TTC23L: variants seen among roughly 807,000 people sequenced by gnomAD.
TTC23L encodes tetratricopeptide repeat protein 23-like.
In TTC23L, 42 loss-of-function variants were observed where a neutral mutation model predicts 48.1. The observed-to-expected ratio is 0.87, with a 90% CI of 0.68 to 1.13. TTC23L has a LOEUF of 1.13. Among genes scored for constraint, TTC23L ranks in the 50% most tolerant of loss-of-function variants. TTC23L has a pLI of 0.00. For missense variants in TTC23L, 391 were observed against 421.0 expected (o/e 0.93, Z 0.62); for synonymous variants, 159 against 157.2 (o/e 1.01, Z -0.09).
intron 4 of TTC23L, among the ~76,000 whole-genome samples, chr5:34,858,668 G>C (rs1760321799): frequency 7.0e-6 from 1 of 143,674 alleles, no homozygotes; most frequent in African/African-American, 2.4e-5. Flanking sequence ...AATAAAAATA[G>C]AAAAAGGCTT....
the TTC23L span, chr5:34,919,710 A>G: frequency 2.7e-6 from 1 of 366,774 alleles, no homozygotes; most frequent in Non-Finnish European, 5.1e-6. Flanking sequence ...TTTGAAAATT[A>G]GTAATAAAAT....
At chr5:34,898,464 T>C (rs886775050) in intron 10 of TTC23L, among the ~76,000 whole-genome samples, 1 of 152,168 alleles carries the variant, frequency 6.6e-6, no homozygotes, top group Non-Finnish European at 1.5e-5. Context: ...TCCTGCCACC[T>C]TGTGGTGCGA....
In TTC23L at chr5:34,889,420, C is replaced by T. The variant is rs545265049; in HGVS notation, c.1078-7350C>T. ...TTAGGACCCTGAATGTGTTCACCAG[C>T]GGTGGCTGATAATTGGTCCCCTTCT... On this transcript the variant is annotated intron_variant, in intron 9 of 10. Coordinates refer to ENST00000505624, the Ensembl canonical transcript of TTC23L. Among the ~76,000 whole-genome samples, 48 of 152,296 alleles carry T rather than the reference C, an allele frequency of 3.2e-4. No homozygotes were observed. The East Asian group carries it at 4.1e-3, about 13-fold the overall frequency.
At chr5:34,843,997 G>A (rs1020685300) in intron 2 of TTC23L, among the ~76,000 whole-genome samples, 10 of 152,168 alleles carry the variant, frequency 6.6e-5, no homozygotes, top group African/African-American at 2.4e-4. Flanking sequence ...AAAAATCACA[G>A]TGTACTAGCA....
chr5:34,921,832 G>A, the TTC23L span: 2 of 155,466 alleles, frequency 1.3e-5, no homozygotes, highest in Admixed American at 6.5e-5. Context: ...ATTTGAACCT[G>A]GGAGGTGGAG....
intron 7 of TTC23L, chr5:34,867,750 A>AGGTGG (rs1761179773): frequency 6.5e-6 from 1 of 152,790 alleles, no homozygotes; most frequent in African/African-American, 2.4e-5. Context: ...ATCATAGAAA[A>AGGTGG]GGTGCAATGC....
intron 9 of TTC23L, among the ~76,000 whole-genome samples, chr5:34,889,555 CAGG>C (rs1762728883): frequency 6.6e-6 from 1 of 152,134 alleles, no homozygotes; most frequent in Admixed American, 6.6e-5. Context: ...GTGGGCCCCA[CAGG>C]AGACTATCTC....
intron 4 of TTC23L, among the ~76,000 whole-genome samples, chr5:34,854,194 G>T (rs1192812777): frequency 1.3e-5 from 2 of 152,206 alleles, no homozygotes; most frequent in African/African-American, 4.8e-5. Flanking sequence ...CTACGTTGGG[G>T]CAATAAGTTG....
chr5:34,896,790 G>T, exon 10 of TTC23L: 1 of 764,386 alleles, frequency 1.3e-6, no homozygotes, highest in East Asian at 2.4e-5. Flanking sequence ...AGTTCATCCA[G>T]ATGGAGAAGA....
chr5:34,874,549 T>A (rs1193055834), intron 8 of TTC23L, among the ~76,000 whole-genome samples: 1 of 151,898 alleles, frequency 6.6e-6, no homozygotes, highest in East Asian at 1.9e-4. Flanking sequence ...CTGGAATATA[T>A]GAAATGCTCA....
At chr5:34,892,261 T>A (rs1322437820) in intron 9 of TTC23L, among the ~76,000 whole-genome samples, 2 of 152,234 alleles carry the variant, frequency 1.3e-5, no homozygotes, top group Non-Finnish European at 2.9e-5. Flanking sequence ...CTTTCATTGC[T>A]AGGAGCCCGA....
At chr5:34,877,454 G>T (rs112657427) in intron 8 of TTC23L, among the ~76,000 whole-genome samples, 2 of 142,668 alleles carry the variant, frequency 1.4e-5, no homozygotes, top group Admixed American at 1.5e-4. Context: ...ACAGAGTTTC[G>T]CTTTTGTTGC....
chr5:34,904,404 G>A (rs1763583450), downstream of TTC23L, among the ~76,000 whole-genome samples: 1 of 151,254 alleles, frequency 6.6e-6, no homozygotes, highest in South Asian at 2.1e-4. Flanking sequence ...GACCATCCTG[G>A]CCAACATGGT....
At chr5:34,866,487 A>G (rs1177689678) in intron 6 of TTC23L, among the ~76,000 whole-genome samples, 2 of 152,204 alleles carry the variant, frequency 1.3e-5, no homozygotes, top group Non-Finnish European at 2.9e-5. Context: ...CTGAGGAGGA[A>G]TTCGCCAAAT....
At chr5:34,882,654 CACACAA>C (rs1762302433) in intron 9 of TTC23L, among the ~76,000 whole-genome samples, 1 of 136,060 alleles carries the variant, frequency 7.3e-6, no homozygotes, top group South Asian at 2.2e-4. Flanking sequence ...CACACACACA[CACACAA>C]TATCTTTTGA....
chr5:34,924,174 G>T, the TTC23L span, among the ~76,000 whole-genome samples: 2 of 152,226 alleles, frequency 1.3e-5, no homozygotes, highest in African/African-American at 4.8e-5. Flanking sequence ...AAATCTTGAA[G>T]CAGGAGTTTG....
chr5:34,875,997 C>A (rs1010229414), intron 8 of TTC23L, among the ~76,000 whole-genome samples: 2 of 152,006 alleles, frequency 1.3e-5, no homozygotes. Flanking sequence ...TAGAAAATCC[C>A]AAAATACTTG....
chr5:34,915,962 T>C, the TTC23L span: 1 of 1,465,946 alleles, frequency 6.8e-7, no homozygotes, highest in Non-Finnish European at 9.0e-7. Context: ...CTTGGGTTAC[T>C]TACTTGACTA....
At chr5:34,853,368 TA>T (rs1333692413) in intron 4 of TTC23L, among the ~76,000 whole-genome samples, 2 of 152,050 alleles carry the variant, frequency 1.3e-5, no homozygotes, top group Non-Finnish European at 2.9e-5. Flanking sequence ...CCGTCTCTAC[TA>T]AAAATACAAA....
Sources: allele counts gnomAD v4.1 joint callset (sites outside exome capture counted in the v4.1 genomes callset), GRCh38; gene constraint gnomAD v4.1.1; transcripts MANE v1.5; gene names NCBI Gene and HGNC (gene_info 2026-07-23, HGNC 2026-07-21).